SLC24A2: variants seen among roughly 807,000 people sequenced by gnomAD.
SLC24A2 encodes sodium/potassium/calcium exchanger 2.
Under a neutral mutation model 62.0 loss-of-function variants are expected in SLC24A2, and 36 were observed. The ratio of observed to expected loss-of-function variants is 0.58; its 90% CI spans 0.44 to 0.77. SLC24A2 has a LOEUF of 0.77. Among genes scored for constraint, SLC24A2 ranks in the 30% least tolerant of loss-of-function variants. The pLI, the probability that SLC24A2 is intolerant of heterozygous loss-of-function variation, is 0.00. For synonymous variants in SLC24A2, 358 were observed against 294.0 expected, an observed-to-expected ratio of 1.22 and a Z score of -2.23; for missense variants, 846 against 817.9, an observed-to-expected ratio of 1.03 and a Z score of -0.42.
At chr9:19,589,781 C>T (rs968850526) in intron 5 of SLC24A2, among the ~76,000 whole-genome samples, 4 of 152,068 alleles carry the variant, frequency 2.6e-5, no homozygotes, top group African/African-American at 9.7e-5. Context: ...ACTCAAAATG[C>T]AAGATCAAGT....
the SLC24A2 span, among the ~76,000 whole-genome samples, chr9:20,201,954 G>A: frequency 6.6e-6 from 1 of 151,830 alleles, no homozygotes; most frequent in Non-Finnish European, 1.5e-5. Flanking sequence ...AGAGGGAATT[G>A]TAGAAAAAAA....
At chr9:19,587,656 T>A (rs1587000442) in intron 5 of SLC24A2, among the ~76,000 whole-genome samples, 1 of 104,204 alleles carries the variant, frequency 9.6e-6, no homozygotes, top group African/African-American at 4.7e-5. Context: ...AATTCCCACC[T>A]TTTTTTTTTT....
chr9:19,706,780 A>G (rs1243778312), intron 2 of SLC24A2, among the ~76,000 whole-genome samples: 1 of 152,094 alleles, frequency 6.6e-6, no homozygotes, highest in Non-Finnish European at 1.5e-5. Context: ...ATTTATAGCA[A>G]TAAATGCCCA....
At chr9:20,136,156 C>T in the SLC24A2 span, among the ~76,000 whole-genome samples, 1 of 152,124 alleles carries the variant, frequency 6.6e-6, no homozygotes, top group Non-Finnish European at 1.5e-5. Flanking sequence ...TGGTTAGTTA[C>T]AGAGTGCTTC....
chr9:19,783,335 A>G lies in SLC24A2; in HGVS notation c.930+2602T>C, dbSNP rs1823069251. Among the ~76,000 whole-genome samples the G allele has an allele frequency of 2.6e-5, 4 of 152,238 alleles. No homozygotes were observed. In the South Asian group the frequency reaches 8.3e-4, roughly 32 times the overall value. On this transcript the variant is annotated intron_variant, in intron 2 of 10. Transcript: ENST00000341998. Reference sequence around the variant, plus strand: ...AAACAGGACAATGAAGTGACTTTGCATGAAAACATGCTTAGTATTTTGCTT... The same window carrying G: ...AAACAGGACAATGAAGTGACTTTGCGTGAAAACATGCTTAGTATTTTGCTT...
the SLC24A2 span, among the ~76,000 whole-genome samples, chr9:20,246,061 A>G: frequency 6.6e-6 from 1 of 152,202 alleles, no homozygotes; most frequent in Non-Finnish European, 1.5e-5. Context: ...CTGTAAGGAA[A>G]AGAAATAAGA....
At chr9:19,653,480 G>A (rs974054505) in intron 2 of SLC24A2, among the ~76,000 whole-genome samples, 15 of 152,180 alleles carry the variant, frequency 9.9e-5, no homozygotes, top group Non-Finnish European at 1.6e-4. Context: ...AAATATCCCT[G>A]TGTGTGAATG....
the SLC24A2 span, among the ~76,000 whole-genome samples, chr9:19,795,725 G>A: frequency 6.6e-6 from 1 of 151,900 alleles, no homozygotes; most frequent in African/African-American, 2.4e-5. Flanking sequence ...CTCCCTCTCT[G>A]AAGCCTCCAT....
intron 2 of SLC24A2, among the ~76,000 whole-genome samples, chr9:19,704,837 C>T (rs940398646): frequency 1.5e-4 from 22 of 148,022 alleles, no homozygotes; most frequent in African/African-American, 5.5e-4. Context: ...TATAAAGCTC[C>T]AGGAGCATAG....
intron 2 of SLC24A2, among the ~76,000 whole-genome samples, chr9:19,779,894 G>C (rs1395646756): frequency 8.5e-6 from 1 of 117,358 alleles, no homozygotes; most frequent in Middle Eastern, 4.0e-3. Context: ...CCCGTCTCTA[G>C]TAAAAAAAGT....
intron 10 of SLC24A2, 123 bp from the exon 11 acceptor site, chr9:19,516,525 T>A: frequency 3.3e-6 from 4 of 1,226,258 alleles, no homozygotes; most frequent in Non-Finnish European, 4.6e-6. Context: ...AAGGGTGTCT[T>A]GTTAGGTTCA....
At chr9:19,990,925 A>ATATATATGTG in the SLC24A2 span, among the ~76,000 whole-genome samples, 3 of 142,880 alleles carry the variant, frequency 2.1e-5, no homozygotes, top group African/African-American at 5.3e-5. Context: ...CTAATAGGAT[A>ATATATATGTG]TATATATATA....
intron 1 of SLC24A2, chr9:19,788,588 G>C (rs561069740): frequency 2.9e-4 from 288 of 985,342 alleles, no homozygotes; most frequent in Non-Finnish European, 3.4e-4. Context: ...ATCCCCCTGA[G>C]TCGTTTGTAG....
At chr9:19,653,815 T>C (rs1195031841) in intron 2 of SLC24A2, among the ~76,000 whole-genome samples, 1 of 152,164 alleles carries the variant, frequency 6.6e-6, no homozygotes, top group Non-Finnish European at 1.5e-5. Flanking sequence ...ATCTCCCTTA[T>C]ACCCTGTATC....
chr9:20,112,546 T>C, the SLC24A2 span, among the ~76,000 whole-genome samples: 1 of 152,098 alleles, frequency 6.6e-6, no homozygotes, highest in African/African-American at 2.4e-5. Context: ...AAAGGAAAAA[T>C]GTTTGATTTA....
the SLC24A2 span, among the ~76,000 whole-genome samples, chr9:20,164,066 G>A: frequency 6.6e-6 from 1 of 152,086 alleles, no homozygotes; most frequent in African/African-American, 2.4e-5. Flanking sequence ...CAGGACATAG[G>A]CATGGGCAAG....
At chr9:20,259,189 A>T in the SLC24A2 span, among the ~76,000 whole-genome samples, 1 of 152,166 alleles carries the variant, frequency 6.6e-6, no homozygotes, top group Non-Finnish European at 1.5e-5. Flanking sequence ...CTCCAGGAAA[A>T]ATTGACGCCC....
Position 19,514,119 on chromosome 9 carries a change from T to C in SLC24A2, c.*2034A>G, listed in dbSNP as rs867066268. ...GGGGGCCTCGGGTTTGAAGTGCTTT[T>C]TACTTCTGGGTGAAGAGGAATGATG... On this transcript the variant is annotated 3_prime_UTR_variant, in exon 11 of 11. Coordinates refer to ENST00000341998, the MANE Select transcript of SLC24A2 (RefSeq NM_020344.4). 2 of 152,200 alleles carry C rather than the reference T, an allele frequency of 1.3e-5. No homozygotes were observed. The highest frequency in any genetic ancestry group is 2.1e-4 in the South Asian group (1 of 4,828). 9.4% of individuals were successfully genotyped at this position (152,200 alleles called of 1,614,324 possible).
intron 2 of SLC24A2, among the ~76,000 whole-genome samples, chr9:19,637,919 G>T (rs1281089199): frequency 6.6e-6 from 1 of 152,158 alleles, no homozygotes; most frequent in Non-Finnish European, 1.5e-5. Context: ...TGTATTGGGG[G>T]GTAGTTTGCT....
Sources: allele counts gnomAD v4.1 joint callset (sites outside exome capture counted in the v4.1 genomes callset), GRCh38; gene constraint gnomAD v4.1.1; transcripts MANE v1.5; gene names NCBI Gene and HGNC (gene_info 2026-07-23, HGNC 2026-07-21).